Variants in SLC5A4 observed in about 807,000 individuals in gnomAD.
SLC5A4 encodes probable glucose sensor protein SLC5A4.
Under a neutral mutation model 70.3 loss-of-function variants are expected in SLC5A4, and 55 were observed. The observed-to-expected ratio is 0.78, with a 90% CI of 0.63 to 0.98. The LOEUF is 0.98. Among genes scored for constraint, SLC5A4 ranks in the 50% least tolerant of loss-of-function variants. SLC5A4 has a pLI of 0.00. For synonymous variants in SLC5A4, 268 were observed against 305.7 expected (o/e 0.88, Z 1.29); for missense variants, 735 against 839.2 (o/e 0.88, Z 1.53).
the SLC5A4 span, among the ~76,000 whole-genome samples, chr22:32,283,628 A>G: frequency 6.6e-6 from 1 of 152,214 alleles, no homozygotes; most frequent in Non-Finnish European, 1.5e-5. Context: ...TCACCATTAC[A>G]TAGTATTTTG....
chr22:32,248,568 CT>C (rs778828500), intron 4 of SLC5A4, among the ~76,000 whole-genome samples, 174 bp downstream of exon 4: 1 of 152,156 alleles, frequency 6.6e-6, no homozygotes, highest in Non-Finnish European at 1.5e-5. Context: ...ATATAAACCC[CT>C]AATTTTAGTC....
At chr22:32,257,959 C>T (rs976800815), upstream of SLC5A4, among the ~76,000 whole-genome samples, 1 of 151,648 alleles carries the variant, frequency 6.6e-6, no homozygotes, top group Admixed American at 6.6e-5. Flanking sequence ...TGTGAGCCAC[C>T]TCGCCCAGCT....
the SLC5A4 span, among the ~76,000 whole-genome samples, chr22:32,338,557 C>T: frequency 1.3e-5 from 2 of 152,050 alleles, no homozygotes; most frequent in African/African-American, 2.4e-5. Context: ...GCCAGCTACT[C>T]GGGAAGCCAA....
At chr22:32,333,113 C>T in the SLC5A4 span, among the ~76,000 whole-genome samples, 19,664 of 151,826 alleles carry the variant, frequency 0.13, 1,739 homozygotes, top group Non-Finnish European at 0.19. Context: ...GTGGCCTGCC[C>T]GAGGTTAAAC....
the SLC5A4 span, among the ~76,000 whole-genome samples, chr22:32,306,107 C>T: frequency 1.3e-5 from 2 of 152,148 alleles, no homozygotes; most frequent in Non-Finnish European, 2.9e-5. Flanking sequence ...TTGAAGCAAA[C>T]GTCAATCTAG....
chr22:32,307,219 T>G, the SLC5A4 span, among the ~76,000 whole-genome samples: 2 of 152,176 alleles, frequency 1.3e-5, no homozygotes, highest in African/African-American at 4.8e-5. Context: ...AGGGCAAATC[T>G]GTCAGGGCTT....
the SLC5A4 span, among the ~76,000 whole-genome samples, chr22:32,300,110 TTGTC>T: frequency 5.9e-5 from 9 of 151,574 alleles, no homozygotes; most frequent in Non-Finnish European, 1.0e-4. Flanking sequence ...GTCTTTTTGT[TTGTC>T]TGTGCCCTGC....
chr22:32,269,518 C>G, the SLC5A4 span: 1 of 601,640 alleles, frequency 1.7e-6, no homozygotes, highest in South Asian at 1.5e-5. The surrounding 1 kb of genome is among the most constrained non-coding windows in gnomAD (Gnocchi z 4.1). Flanking sequence ...TGTGGCAGGA[C>G]ACGTGCTCCA....
chr22:32,331,042 G>C, the SLC5A4 span, among the ~76,000 whole-genome samples: 1 of 120,288 alleles, frequency 8.3e-6, no homozygotes, highest in South Asian at 2.9e-4. Context: ...GGAGGCTCTG[G>C]TGTGTGTGTG....
the SLC5A4 span, among the ~76,000 whole-genome samples, chr22:32,292,159 TATATAATATATA>T: frequency 1.9e-5 from 1 of 53,886 alleles, no homozygotes; most frequent in East Asian, 3.6e-4. Context: ...ATATATTATA[TATATAATATATA>T]CTAGATATTA....
Position 32,229,204 on chromosome 22 carries a change from T to C in SLC5A4, c.1270A>G (p.Ile424Val). ...RKQASEKELL[I>V]AGRIFVLLLT... ...CCAGGGTTCACTCACCGTCCAGCTA[T>C]CAGGAGCTCTTTCTCCGACGCTTGC... is the stretch of plus-strand genomic sequence containing the variant. Residue 424 changes from isoleucine to valine, a missense_variant, in exon 11 of 15, where the codon ATA becomes GTA. By Grantham distance (29) the Ile-to-Val change is conservative. Coordinates refer to ENST00000266086, the MANE Select transcript of SLC5A4 (RefSeq NM_014227.3). 1 of 1,614,104 alleles carries C rather than the reference T, an allele frequency of 6.2e-7. No individual in the cohort carries two copies. Among genetic ancestry groups the C allele is most frequent in the Non-Finnish European group, 8.5e-7 (1 of 1,179,962 alleles).
rs752460476 is a variant in SLC5A4, at chr22:32,237,229, A to G, written c.664+15T>C. 1.3e-5 allele frequency: 21 copies of G among 1,590,502 alleles called. No individual in the cohort carries two copies. The South Asian group carries it at 2.0e-4, about 15-fold the overall frequency. ...TTTCCAGGCCCTGGGCACTGCACGC[A>G]GGGTCATCACTTACCAAACCCCATG... On this transcript the variant is annotated intron_variant, in intron 7 of 14. Coordinates refer to ENST00000266086, the MANE Select transcript of SLC5A4 (RefSeq NM_014227.3).
At chr22:32,327,783 A>G in the SLC5A4 span, among the ~76,000 whole-genome samples, 2 of 152,162 alleles carry the variant, frequency 1.3e-5, no homozygotes, top group Non-Finnish European at 2.9e-5. Context: ...AGTCACTCTC[A>G]GGGGATGTCA....
intron 5 of SLC5A4, among the ~76,000 whole-genome samples, chr22:32,241,909 G>T (rs5994509): frequency 0.06 from 9,104 of 151,312 alleles, 511 homozygotes; most frequent in African/African-American, 0.14. Context: ...ATGACTTGGA[G>T]GGCCAGGATT....
chr22:32,335,941 T>A, the SLC5A4 span, among the ~76,000 whole-genome samples: 1 of 152,222 alleles, frequency 6.6e-6, no homozygotes, highest in Non-Finnish European at 1.5e-5. Flanking sequence ...GGAGCCGAAA[T>A]GCCCGTGTTG....
chr22:32,331,946 C>T, the SLC5A4 span, among the ~76,000 whole-genome samples: 1 of 152,086 alleles, frequency 6.6e-6, no homozygotes, highest in African/African-American at 2.4e-5. Context: ...GCCACATCTG[C>T]CCCAAGGTCC....
intron 13 of SLC5A4, among the ~76,000 whole-genome samples, chr22:32,223,127 C>G (rs1925182385): frequency 1.3e-5 from 2 of 151,548 alleles, no homozygotes; most frequent in African/African-American, 4.9e-5. Flanking sequence ...AATAATAGAG[C>G]TCCCTCATGT....
chr22:32,270,761 A>G, the SLC5A4 span: 3 of 622,488 alleles, frequency 4.8e-6, no homozygotes, highest in Non-Finnish European at 8.9e-6. Context: ...ACTGTAGGCA[A>G]CCCCTGCGTG....
At chr22:32,263,728 T>C in the SLC5A4 span, among the ~76,000 whole-genome samples, 8 of 152,232 alleles carry the variant, frequency 5.3e-5, no homozygotes, top group Non-Finnish European at 1.2e-4. Context: ...TAAATCATTC[T>C]ACTATAAAGA....
Sources: gnomAD v4.1 joint callset for allele counts (sites outside exome capture counted in the v4.1 genomes callset) on GRCh38, gnomAD v4.1.1 for gene constraint, Gnocchi (gnomAD v3.1) non-coding constraint, MANE v1.5 for transcripts, NCBI Gene and HGNC (gene_info 2026-07-23, HGNC 2026-07-21) for gene names.